The following AKR1D1 variants were observed in gnomAD, a reference collection of about 807,000 sequenced individuals.
The protein encoded by AKR1D1 is delta(4)-3-ketosteroid 5-beta-reductase.
Under a neutral mutation model 42.6 loss-of-function variants are expected in AKR1D1, and 32 were observed. The ratio of observed to expected loss-of-function variants is 0.75; its 90% CI spans 0.57 to 1.01. The LOEUF is 1.01. Ranked by LOEUF, AKR1D1 falls within the 50% of genes least tolerant of loss-of-function variation. The probability of loss-of-function intolerance (pLI) is 0.00; values close to 1 mark genes in which losing one functional copy is unlikely to be tolerated. For synonymous variants in AKR1D1, 123 were observed against 135.5 expected (o/e 0.91, Z 0.64); for missense variants, 364 against 402.2 (o/e 0.91, Z 0.81).
intron 1 of AKR1D1, among the ~76,000 whole-genome samples, chr7:138,081,316 C>T (rs946057251): frequency 6.6e-6 from 1 of 151,994 alleles, no homozygotes; most frequent in African/African-American, 2.4e-5. Context: ...AATAAACTCT[C>T]CTTTATCCAA....
intron 4 of AKR1D1, among the ~76,000 whole-genome samples, chr7:138,098,517 G>A (rs1382027409): frequency 2.6e-5 from 4 of 152,256 alleles, no homozygotes; most frequent in Middle Eastern, 6.8e-3. Context: ...GGCTGAGGCA[G>A]GAGAATTGCT....
At position 138,077,988 on chromosome 7, in the gene AKR1D1, G is replaced by A. The variant is rs151243273; in HGVS notation, c.93+1377G>A. On this transcript the variant is annotated intron_variant, in intron 1 of 8. Coordinates refer to ENST00000242375, the MANE Select transcript of AKR1D1 (RefSeq NM_005989.4). ...ACTCTGTTTGTTTGTTTAAGGCAGG[G>A]TCTTACTCTGTCACCCAGGCTGGAG... Among the ~76,000 whole-genome samples, 212 of 152,190 alleles carry A rather than the reference G, an allele frequency of 1.4e-3. 1 individual carries two copies. Among genetic ancestry groups the A allele is most frequent in the Non-Finnish European group, 2.5e-3 (172 of 67,996 alleles).
At chr7:138,093,505 A>G (rs2117438229) in intron 3 of AKR1D1, among the ~76,000 whole-genome samples, 1 of 152,196 alleles carries the variant, frequency 6.6e-6, no homozygotes, top group Non-Finnish European at 1.5e-5. Context: ...CTAGGCCTAC[A>G]CAGGGTCAGC....
chr7:138,108,749 A>G (rs1372100699), intron 7 of AKR1D1, among the ~76,000 whole-genome samples: 1 of 152,192 alleles, frequency 6.6e-6, no homozygotes, highest in African/African-American at 2.4e-5. Flanking sequence ...AAAGGTGTCT[A>G]TAGTTGATGA....
At chr7:138,094,749 G>A (rs890940828) in intron 3 of AKR1D1, among the ~76,000 whole-genome samples, 7 of 152,096 alleles carry the variant, frequency 4.6e-5, no homozygotes, top group African/African-American at 1.7e-4. Context: ...GGAACTCCTG[G>A]CCTCAAGCCA....
rs1794437917 is a variant in AKR1D1 at position 138,106,589 on chromosome 7, C to T, written c.580-19C>T. 6.2e-7 allele frequency: 1 copy of T among 1,602,880 alleles called. No homozygotes were observed. The highest frequency in any genetic ancestry group is 1.3e-5 in the African/African-American group (1 of 74,632). Reference sequence around the variant, plus strand: ...CGTGGCCTTGATTTTGTGCTCTGCTCTCCAATGCAACCACATAGGTTGAGT... The same window carrying T: ...CGTGGCCTTGATTTTGTGCTCTGCTTTCCAATGCAACCACATAGGTTGAGT... On this transcript the variant is annotated intron_variant, in intron 5 of 8. Coordinates refer to ENST00000242375, the MANE Select transcript of AKR1D1 (RefSeq NM_005989.4).
intron 4 of AKR1D1, among the ~76,000 whole-genome samples, chr7:138,101,072 A>G (rs1794298946): frequency 6.6e-6 from 1 of 152,082 alleles, no homozygotes. Context: ...GCTATAGGAT[A>G]TAGGAGATTT....
At chr7:138,090,169 A>G (rs947580714) in intron 2 of AKR1D1, among the ~76,000 whole-genome samples, 3 of 152,204 alleles carry the variant, frequency 2.0e-5, no homozygotes, top group Non-Finnish European at 2.9e-5. Context: ...TGGGATTGCA[A>G]TAGGAACACC....
chr7:138,116,119 G>T (rs1459349139), intron 8 of AKR1D1, among the ~76,000 whole-genome samples: 4 of 152,076 alleles, frequency 2.6e-5, no homozygotes, highest in African/African-American at 9.7e-5. Context: ...GTTTGAGGCT[G>T]CAGTGAGCTA....
At chr7:138,087,239 G>C (rs1793948438) in intron 1 of AKR1D1, among the ~76,000 whole-genome samples, 1 of 152,132 alleles carries the variant, frequency 6.6e-6, no homozygotes, top group South Asian at 2.1e-4. Flanking sequence ...ACAGAAGAGG[G>C]AGCACCCACT....
chr7:138,076,581 C>A lies in AKR1D1; in HGVS notation c.63C>A (p.Ile21=). The A allele has an allele frequency of 6.2e-7, 1 of 1,613,426 alleles. No homozygotes were observed. Among genetic ancestry groups the A allele is most frequent in the South Asian group, 1.1e-5 (1 of 91,070 alleles). The part of the protein sequence containing the change: ...PLSDGNSIPI[I]GLGTYSEPKS... ...GTGATGGAAACAGCATTCCCATCAT[C>A]GGACTTGGTACCTACTCAGAACCTA... is the stretch of plus-strand genomic sequence containing the variant. Residue 21 remains isoleucine (I), a synonymous_variant, in exon 1 of 9, where the codon ATC becomes ATA. Transcript: ENST00000242375.
At chr7:138,098,769 T>G (rs1794234162) in intron 4 of AKR1D1, among the ~76,000 whole-genome samples, 1 of 152,026 alleles carries the variant, frequency 6.6e-6, no homozygotes, top group Non-Finnish European at 1.5e-5. Context: ...TTGAACTTGT[T>G]TGCTTAGAGG....
At chr7:138,109,073 A>T (rs1794488072) in intron 7 of AKR1D1, among the ~76,000 whole-genome samples, 1 of 152,218 alleles carries the variant, frequency 6.6e-6, no homozygotes, top group African/African-American at 2.4e-5. Context: ...TTAAAAACTC[A>T]AAACAATCTT....
At chr7:138,098,117 C>A in intron 4 of AKR1D1, 174 bp downstream of exon 4, 1 of 571,672 alleles carries the variant, frequency 1.7e-6, no homozygotes, top group Non-Finnish European at 3.1e-6. Context: ...CTTCTGGGTA[C>A]TAAATAATTC....
chr7:138,098,168 G>A, intron 4 of AKR1D1: 2 of 499,708 alleles, frequency 4.0e-6, no homozygotes, highest in African/African-American at 1.9e-5. Context: ...AAGAGAGAGG[G>A]GTGGAAGGAA....
intron 1 of AKR1D1, among the ~76,000 whole-genome samples, chr7:138,085,099 T>C (rs146747661): frequency 3.3e-5 from 5 of 150,176 alleles, no homozygotes; most frequent in African/African-American, 7.4e-5. Context: ...GTGGTCCTCA[T>C]GTCCACAGTC....
At chr7:138,084,427 C>T (rs1050263069) in intron 1 of AKR1D1, among the ~76,000 whole-genome samples, 1 of 151,882 alleles carries the variant, frequency 6.6e-6, no homozygotes, top group Non-Finnish European at 1.5e-5. Flanking sequence ...CCATGTTGCC[C>T]AGGCTGTTCT....
chr7:138,088,549 A>G lies in AKR1D1; in HGVS notation c.94-52A>G, dbSNP rs1054724242. The stretch of plus-strand genomic sequence containing the variant: ...CAAAATGTCCTGATTAATGATTATT[A>G]AAGGAAAGACCATTTCTCTTTTCCC... On this transcript the variant is annotated intron_variant, in intron 1 of 8. Transcript: ENST00000242375. 1.3e-5 allele frequency: 21 copies of G among 1,587,202 alleles called. No individual in the cohort carries two copies. The East Asian group carries it at 4.5e-4, about 34-fold the overall frequency.
At chr7:138,109,646 G>A (rs1026624994) in intron 7 of AKR1D1, among the ~76,000 whole-genome samples, 2 of 152,252 alleles carry the variant, frequency 1.3e-5, no homozygotes, top group East Asian at 1.9e-4. Flanking sequence ...GAAAAAAGGC[G>A]AAAAGATGCT....
Sources: allele counts gnomAD v4.1 joint callset (sites outside exome capture counted in the v4.1 genomes callset), GRCh38; gene constraint gnomAD v4.1.1; transcripts MANE v1.5; gene names NCBI Gene and HGNC (gene_info 2026-07-23, HGNC 2026-07-21).